The following NF1 variants were observed in gnomAD, a reference collection of about 807,000 sequenced individuals.
NF1 encodes the protein neurofibromin.
Under a neutral mutation model 325.7 loss-of-function variants are expected in NF1, and 122 were observed. The observed-to-expected ratio is 0.37, with a 90% CI of 0.32 to 0.44. NF1 has a LOEUF of 0.44. NF1 is among the 20% of genes least tolerant of loss of function. The pLI is 1.00. For synonymous variants in NF1, 1,091 were observed against 1,186.0 expected (o/e 0.92, Z 1.65); for missense variants, 2,140 against 3,415.4 (o/e 0.63, Z 9.31).
chr17:31,119,389 T>C (rs1365959301), intron 1 of NF1, among the ~76,000 whole-genome samples: 2 of 152,160 alleles, frequency 1.3e-5, no homozygotes, highest in African/African-American at 4.8e-5. Context: ...CTTTTTTTCC[T>C]GTGTTTTTTG....
At chr17:31,314,977 C>T (rs2068983512) in intron 36 of NF1, among the ~76,000 whole-genome samples, 1 of 152,138 alleles carries the variant, frequency 6.6e-6, no homozygotes, top group Non-Finnish European at 1.5e-5. Flanking sequence ...TATTGCCTGT[C>T]TTTTGAGTAT....
chr17:31,168,471 C>T (rs1242087866), intron 4 of NF1, among the ~76,000 whole-genome samples: 2 of 151,958 alleles, frequency 1.3e-5, no homozygotes, highest in Admixed American at 6.6e-5. Context: ...AAATAGGATG[C>T]GTACTTTGGA....
chr17:31,318,965 G>A (rs1322648254), intron 36 of NF1: 2 of 1,613,120 alleles, frequency 1.2e-6, no homozygotes, highest in Non-Finnish European at 8.5e-7. Flanking sequence ...GTTGTCATCA[G>A]AAAGGCAAGA....
intron 48 of NF1, 132 bp from the exon 49 acceptor site, chr17:31,348,988 C>A: frequency 8.9e-7 from 1 of 1,120,352 alleles, no homozygotes; most frequent in Non-Finnish European, 1.3e-6. Context: ...TCCCAAATGG[C>A]TATTCTTGGA....
At chr17:31,118,455 C>T (rs1435271821) in intron 1 of NF1, among the ~76,000 whole-genome samples, 1 of 152,090 alleles carries the variant, frequency 6.6e-6, no homozygotes, top group African/African-American at 2.4e-5. Flanking sequence ...CCCCACCCCG[C>T]AACAGGCCCA....
At chr17:31,148,917 TTCCATATAGAATATGGATTC>T (rs1916752103) in intron 1 of NF1, among the ~76,000 whole-genome samples, 1 of 152,174 alleles carries the variant, frequency 6.6e-6, no homozygotes, top group African/African-American at 2.4e-5. Flanking sequence ...ACAATATGTA[TTCCATATAGAATATGGATTC>T]TATCCTTTTC....
In NF1 at chr17:31,375,934, A is replaced by G; in HGVS notation, c.*1779A>G. ...AAACCTTAGTATTATTAATGAGTTT[A>G]CCATAGAATTGTTGGAAATACTGAA... On this transcript the variant is annotated 3_prime_UTR_variant, in exon 58 of 58. Transcript: ENST00000358273. 1 of 233,104 alleles carries G rather than the reference A, an allele frequency of 4.3e-6. No individual in the cohort carries two copies. Among genetic ancestry groups the G allele is most frequent in the Non-Finnish European group, 8.5e-6 (1 of 117,682 alleles). The allele number at this position is 233,104 out of a possible 1,614,324, so 14.4% of individuals were successfully genotyped here. A position where few individuals can be genotyped will look rare whatever the true frequency, so the allele number is the denominator to read the frequency against.
At chr17:31,221,752 A>G in intron 14 of NF1, 98 bp from the exon 15 acceptor site, 1 of 833,830 alleles carries the variant, frequency 1.2e-6, no homozygotes, top group African/African-American at 1.7e-5. Context: ...AAAGAGCTCA[A>G]TTTCTTAGCA....
chr17:31,215,221 T>A (rs1474812632), intron 13 of NF1, among the ~76,000 whole-genome samples: 1 of 152,066 alleles, frequency 6.6e-6, no homozygotes, highest in African/African-American at 2.4e-5. Context: ...CCTCAAGCCA[T>A]CCTCCAGCCT....
At chr17:31,213,349 C>T (rs1266845742) in intron 12 of NF1, among the ~76,000 whole-genome samples, 2 of 152,134 alleles carry the variant, frequency 1.3e-5, no homozygotes, top group African/African-American at 4.8e-5. Flanking sequence ...AGCTATTCTT[C>T]CCCGCAAGGA....
At chr17:31,102,170 C>T (rs1347844745) in intron 1 of NF1, among the ~76,000 whole-genome samples, 1 of 152,254 alleles carries the variant, frequency 6.6e-6, no homozygotes, top group Non-Finnish European at 1.5e-5. Context: ...TATATTTCCT[C>T]CCATAGAGCA....
chr17:31,125,543 A>AT (rs879826594), intron 1 of NF1, among the ~76,000 whole-genome samples: 30 of 149,396 alleles, frequency 2.0e-4, no homozygotes, highest in Non-Finnish European at 2.4e-4. Context: ...TTTTTAATTA[A>AT]TTTTTTTTTT....
At position 31,240,021 on chromosome 17, in the gene NF1, C is replaced by T. The variant is rs2067267687; in HGVS notation, c.3974+4000C>T. On this transcript the variant is annotated intron_variant, in intron 29 of 57. Coordinates refer to ENST00000358273, the MANE Select transcript of NF1 (RefSeq NM_001042492.3). ...TCAGGCGAGCCGCCTGTCTTGGCCT[C>T]CCAAAGTGCTGTGATTACAGGCGTC... 2.0e-5 allele frequency among the ~76,000 whole-genome samples: 3 copies of T among 152,318 alleles called. No homozygotes were observed. The South Asian group carries it at 6.2e-4, about 32-fold the overall frequency.
chr17:31,177,834 G>T (rs1369366990), intron 5 of NF1, among the ~76,000 whole-genome samples: 2 of 151,976 alleles, frequency 1.3e-5, no homozygotes, highest in Non-Finnish European at 2.9e-5. Flanking sequence ...AGAGTGAAAA[G>T]AAATGAACAA....
intron 29 of NF1, among the ~76,000 whole-genome samples, chr17:31,238,275 C>T (rs1330499140): frequency 6.6e-6 from 1 of 151,978 alleles, no homozygotes; most frequent in Admixed American, 6.5e-5. Context: ...ATGCTTTGGG[C>T]AGGGGAAGGG....
intron 8 of NF1, among the ~76,000 whole-genome samples, chr17:31,195,620 T>C (rs2066422202): frequency 6.6e-6 from 1 of 152,084 alleles, no homozygotes; most frequent in Non-Finnish European, 1.5e-5. Context: ...ACTCATACAG[T>C]ATTTGTCTTT....
At chr17:31,101,028 G>A (rs76644659) in intron 1 of NF1, among the ~76,000 whole-genome samples, 1,953 of 151,938 alleles carry the variant, frequency 0.013, 39 homozygotes, top group African/African-American at 0.045. Context: ...GAAATCAGAC[G>A]TTTACTTGGT....
intron 56 of NF1, chr17:31,359,309 A>C: frequency 2.5e-6 from 1 of 400,932 alleles, no homozygotes; most frequent in South Asian, 2.7e-5. Context: ...GTATTTGATA[A>C]TCTTAATGCA....
intron 57 of NF1, chr17:31,367,330 C>A: frequency 8.6e-7 from 1 of 1,159,824 alleles, no homozygotes; most frequent in Non-Finnish European, 1.2e-6. Flanking sequence ...ACCCCACACT[C>A]ATCCTGGGCA....
Sources: allele counts gnomAD v4.1 joint callset (sites outside exome capture counted in the v4.1 genomes callset), GRCh38; gene constraint gnomAD v4.1.1; transcripts MANE v1.5; gene names NCBI Gene and HGNC (gene_info 2026-07-23, HGNC 2026-07-21).